SPATA6: variants seen among roughly 807,000 people sequenced by gnomAD.
SPATA6 encodes the protein spermatogenesis-associated protein 6.
Under a neutral mutation model 65.3 loss-of-function variants are expected in SPATA6, and 56 were observed. That is an observed-to-expected ratio of 0.86 (90% CI 0.69 to 1.07). The LOEUF is 1.07. Among genes scored for constraint, SPATA6 ranks in the 50% least tolerant of loss-of-function variants. SPATA6 has a pLI of 0.00. For missense variants in SPATA6, 590 were observed against 594.8 expected, an observed-to-expected ratio of 0.99 and a Z score of 0.08; for synonymous variants, 199 against 213.2, an observed-to-expected ratio of 0.93 and a Z score of 0.58.
At chr1:48,282,087 G>T in the SPATA6 span, among the ~76,000 whole-genome samples, 131 of 152,286 alleles carry the variant, frequency 8.6e-4, no homozygotes, top group African/African-American at 2.9e-3. Context: ...ATGGGGAAAG[G>T]ATTCCCTATT....
chr1:48,339,509 C>A (rs897339589), intron 11 of SPATA6, among the ~76,000 whole-genome samples: 1 of 151,480 alleles, frequency 6.6e-6, no homozygotes, highest in Non-Finnish European at 1.5e-5. Flanking sequence ...TTAATTTGGT[C>A]AAGAAAATAG....
At position 48,300,555 on chromosome 1, in the gene SPATA6, C is replaced by A. The variant is rs144927525; in HGVS notation, c.1287-1662G>T. ...ACAAAAAATTAAAGATATGAGAAAACCCATTTTATAAGACTAGCATTACCC... is the reference window on the plus strand; with the variant it reads ...ACAAAAAATTAAAGATATGAGAAAAACCATTTTATAAGACTAGCATTACCC... On this transcript the variant is annotated intron_variant, in intron 12 of 12. Coordinates refer to ENST00000371847, the MANE Select transcript of SPATA6 (RefSeq NM_019073.4). 6.3e-3 allele frequency among the ~76,000 whole-genome samples: 960 copies of A among 152,052 alleles called. 7 individuals are homozygous for A. The highest frequency in any genetic ancestry group is 0.016 in the African/African-American group (673 of 41,504).
intron 3 of SPATA6, among the ~76,000 whole-genome samples, chr1:48,440,357 T>C (rs920402962): frequency 2.6e-5 from 4 of 152,194 alleles, no homozygotes; most frequent in African/African-American, 9.7e-5. Context: ...CTTGGAGAGA[T>C]GTTATACTAT....
At chr1:48,281,342 G>C in the SPATA6 span, among the ~76,000 whole-genome samples, 8 of 151,414 alleles carry the variant, frequency 5.3e-5, no homozygotes, top group Non-Finnish European at 1.2e-4. Flanking sequence ...AGGGCAATTA[G>C]GCAGGAGAAG....
At chr1:48,317,328 T>C (rs953972675) in intron 11 of SPATA6, among the ~76,000 whole-genome samples, 7 of 152,218 alleles carry the variant, frequency 4.6e-5, no homozygotes, top group Non-Finnish European at 7.4e-5. Flanking sequence ...ACATATACAC[T>C]GTGGAATACT....
chr1:48,440,023 T>C (rs534499108), intron 3 of SPATA6, among the ~76,000 whole-genome samples: 1 of 152,226 alleles, frequency 6.6e-6, no homozygotes, highest in East Asian at 1.9e-4. Flanking sequence ...AAGCTTGCAA[T>C]TTACATCCCA....
At chr1:48,347,952 C>A (rs1230953465) in intron 11 of SPATA6, among the ~76,000 whole-genome samples, 4 of 151,926 alleles carry the variant, frequency 2.6e-5, no homozygotes, top group Non-Finnish European at 1.5e-5. Flanking sequence ...GTTTTCCAGC[C>A]CCCTGACCAC....
chr1:48,347,806 C>T (rs2148785222), intron 11 of SPATA6, among the ~76,000 whole-genome samples: 1 of 151,982 alleles, frequency 6.6e-6, no homozygotes, highest in South Asian at 2.1e-4. Flanking sequence ...GAGATGCCAC[C>T]TGGACTTGTG....
chr1:48,277,652 T>A, the SPATA6 span, among the ~76,000 whole-genome samples: 1 of 152,242 alleles, frequency 6.6e-6, no homozygotes, highest in African/African-American at 2.4e-5. Flanking sequence ...TGCGCAGGCT[T>A]GCTTAGGTAA....
the SPATA6 span, among the ~76,000 whole-genome samples, chr1:48,275,018 G>T: frequency 1.3e-5 from 2 of 152,120 alleles, no homozygotes; most frequent in East Asian, 3.8e-4. Flanking sequence ...ATTTCTCTGA[G>T]CAGTGGTTTG....
chr1:48,284,760 G>A, the SPATA6 span, among the ~76,000 whole-genome samples: 1 of 152,152 alleles, frequency 6.6e-6, no homozygotes, highest in Non-Finnish European at 1.5e-5. Flanking sequence ...ACCAGCAGAG[G>A]CTGCAGAACA....
At chr1:48,446,683 C>A (rs368883192) in intron 3 of SPATA6, among the ~76,000 whole-genome samples, 2 of 151,998 alleles carry the variant, frequency 1.3e-5, no homozygotes, top group Admixed American at 6.6e-5. Context: ...TGAAGCAAAA[C>A]CTGATATTAA....
chr1:48,299,869 C>T (rs989993085), intron 12 of SPATA6, among the ~76,000 whole-genome samples: 1 of 152,158 alleles, frequency 6.6e-6, no homozygotes, highest in Non-Finnish European at 1.5e-5. Context: ...CTCTAAGACC[C>T]TTTCTACTAT....
At chr1:48,300,200 A>G (rs1020593137) in intron 12 of SPATA6, among the ~76,000 whole-genome samples, 38 of 152,174 alleles carry the variant, frequency 2.5e-4, no homozygotes, top group Non-Finnish European at 1.0e-4. Context: ...TACTAACATA[A>G]ATTCCGGAAT....
intron 11 of SPATA6, among the ~76,000 whole-genome samples, chr1:48,346,610 G>A (rs546744847): frequency 6.6e-6 from 1 of 152,126 alleles, no homozygotes; most frequent in South Asian, 2.1e-4. Flanking sequence ...AATAACTTGA[G>A]CAAAATCTCA....
chr1:48,470,699 T>C (rs914371571), intron 1 of SPATA6, among the ~76,000 whole-genome samples: 7 of 151,782 alleles, frequency 4.6e-5, no homozygotes, highest in South Asian at 2.1e-4. Flanking sequence ...CATTCTAACG[T>C]GACGAAGGCC....
intron 3 of SPATA6, among the ~76,000 whole-genome samples, chr1:48,425,145 T>C (rs1410144741): frequency 1.3e-5 from 2 of 152,220 alleles, no homozygotes; most frequent in Admixed American, 6.5e-5. Context: ...AAGTCTTCAA[T>C]ACATTTTGGT....
chr1:48,385,039 TTC>T (rs937651587), intron 9 of SPATA6, among the ~76,000 whole-genome samples: 2 of 152,130 alleles, frequency 1.3e-5, no homozygotes, highest in Admixed American at 6.5e-5. Flanking sequence ...AACAACTGAT[TTC>T]TCTCTCTCAT....
At chr1:48,417,802 C>A (rs1281469041) in intron 3 of SPATA6, among the ~76,000 whole-genome samples, 2 of 152,020 alleles carry the variant, frequency 1.3e-5, no homozygotes, top group Non-Finnish European at 2.9e-5. Context: ...CCAGCCTGGG[C>A]AACAGACAGA....
Sources: gnomAD v4.1 joint callset for allele counts (sites outside exome capture counted in the v4.1 genomes callset) on GRCh38, gnomAD v4.1.1 for gene constraint, MANE v1.5 for transcripts, NCBI Gene and HGNC (gene_info 2026-07-23, HGNC 2026-07-21) for gene names.